The following SCRIB variants were observed in gnomAD, a reference collection of about 807,000 sequenced individuals.
SCRIB encodes the protein scribble planar cell polarity protein.
SCRIB carries 72 observed loss-of-function variants against 170.0 expected under a neutral mutation model. The observed-to-expected ratio is 0.42, with a 90% CI of 0.35 to 0.52. The LOEUF (loss-of-function observed/expected upper bound fraction) is 0.52. Among genes scored for constraint, SCRIB ranks in the 20% least tolerant of loss-of-function variants. The pLI, the probability that SCRIB is intolerant of heterozygous loss-of-function variation, is 0.02. For synonymous variants in SCRIB, 1,298 were observed against 1,044.3 expected (o/e 1.24, Z -4.68); for missense variants, 2,475 against 2,338.5 (o/e 1.06, Z -1.20).
chr8:143,809,443 G>A (rs1393185185), intron 14 of SCRIB, 108 bp downstream of exon 14: 3 of 1,259,990 alleles, frequency 2.4e-6, no homozygotes, highest in Admixed American at 1.9e-5. Context: ...AGCATCAGCA[G>A]GGCCCAGGCA....
rs782575607 is a variant in SCRIB, at chr8:143,792,967, C to T, written c.4017+9G>A. ...ACGCGCAGCAGGGAGGCGTGCTGCCCCCACACACCTGGGCAGGGGCATCCT... is the reference window on the plus strand; with the variant it reads ...ACGCGCAGCAGGGAGGCGTGCTGCCTCCACACACCTGGGCAGGGGCATCCT... On this transcript the variant is annotated intron_variant, in intron 29 of 36. Coordinates refer to ENST00000356994, the MANE Select transcript of SCRIB (RefSeq NM_182706.5). 46 of 1,503,126 alleles carry T rather than the reference C, an allele frequency of 3.1e-5. No homozygotes were observed. Among genetic ancestry groups the T allele is most frequent in the Non-Finnish European group, 3.8e-5 (43 of 1,126,906 alleles). 93.1% of individuals were successfully genotyped at this position (1,503,126 alleles called of 1,614,324 possible). A position where few individuals can be genotyped will look rare whatever the true frequency, so the allele number is the denominator to read the frequency against.
intron 16 of SCRIB, among the ~76,000 whole-genome samples, chr8:143,807,239 GC>G: frequency 6.6e-6 from 1 of 152,354 alleles, no homozygotes; most frequent in Non-Finnish European, 1.5e-5. Flanking sequence ...GCTGGGGCTT[GC>G]CCACCTCCAG....
intron 27 of SCRIB, among the ~76,000 whole-genome samples, 174 bp downstream of exon 27, chr8:143,794,864 T>C (rs1814871086): frequency 6.6e-6 from 1 of 151,946 alleles, no homozygotes; most frequent in Non-Finnish European, 1.5e-5. Context: ...GGGTTGAGAA[T>C]GAGGGTGATA....
intron 8 of SCRIB, 27 bp downstream of exon 8, chr8:143,812,790 C>G: frequency 6.3e-7 from 1 of 1,591,400 alleles, no homozygotes; most frequent in Non-Finnish European, 8.5e-7. Flanking sequence ...CCGTGTGCCC[C>G]ACCCAGGCAC....
At chr8:143,814,620 A>C (rs951327356) in intron 1 of SCRIB, among the ~76,000 whole-genome samples, 9 of 152,224 alleles carry the variant, frequency 5.9e-5, no homozygotes, top group African/African-American at 1.9e-4. Flanking sequence ...CGGCCAGAAC[A>C]GGGTCACATT....
In SCRIB at chr8:143,815,399, G is replaced by A. The variant is rs1422951342; in HGVS notation, c.-27C>T. ...GTGCGGGTGGGCGGCGCGGGCTCCG[G>A]CGGCGGCGCTCGGCGGGCTCGGGGC... On this transcript the variant is annotated 5_prime_UTR_variant, in exon 1 of 37. Transcript: ENST00000356994. The A allele has an allele frequency of 1.9e-5, 24 of 1,277,148 alleles. No homozygotes were observed. The highest frequency in any genetic ancestry group is 2.4e-5 in the Non-Finnish European group (24 of 1,006,814). 79.1% of individuals were successfully genotyped at this position (1,277,148 alleles called of 1,614,324 possible).
At chr8:143,804,496 G>A (rs559172544) in intron 21 of SCRIB, 72 bp downstream of exon 21, 3 of 1,432,348 alleles carry the variant, frequency 2.1e-6, no homozygotes, top group South Asian at 1.4e-5. Context: ...GGCCATAAGA[G>A]AGCAGGTCCT....
Position 143,804,553 on chromosome 8 carries a change from G to A in SCRIB, c.3009+15C>T. ...TGAAGCTGGGTGGGTGCCTGGGTGGGGGCTTGTGTCTCACCTCCACTGGGT... is the reference window on the plus strand; with the variant it reads ...TGAAGCTGGGTGGGTGCCTGGGTGGAGGCTTGTGTCTCACCTCCACTGGGT... On this transcript the variant is annotated intron_variant, in intron 21 of 36. Coordinates refer to ENST00000356994, the MANE Select transcript of SCRIB (RefSeq NM_182706.5). The A allele has an allele frequency of 1.3e-6, 2 of 1,491,152 alleles. No individual in the cohort carries two copies. Among genetic ancestry groups the A allele is most frequent in the Non-Finnish European group, 1.8e-6 (2 of 1,127,008 alleles). The allele number at this position is 1,491,152 out of a possible 1,614,324, so 92.4% of individuals were successfully genotyped here. A position where few individuals can be genotyped will look rare whatever the true frequency, so the allele number is the denominator to read the frequency against.
chr8:143,801,459 GA>G (rs1554634961), intron 24 of SCRIB, among the ~76,000 whole-genome samples: 1 of 152,064 alleles, frequency 6.6e-6, no homozygotes, highest in Non-Finnish European at 1.5e-5. Context: ...TCTTCCCAAG[GA>G]AAAAACCAGA....
At chr8:143,807,239 G>A (rs1815469117) in intron 16 of SCRIB, among the ~76,000 whole-genome samples, 1 of 152,236 alleles carries the variant, frequency 6.6e-6, no homozygotes, top group African/African-American at 2.4e-5. Flanking sequence ...GCTGGGGCTT[G>A]CCCACCTCCA....
At chr8:143,803,606 G>T (rs375213010) in intron 23 of SCRIB, 35 bp from the exon 24 acceptor site, 1,435 of 1,570,850 alleles carry the variant, frequency 9.1e-4, no homozygotes, top group Non-Finnish European at 1.1e-3. Flanking sequence ...AGACCTGTTG[G>T]GGGGTGGGGC....
intron 13 of SCRIB, 78 bp downstream of exon 13, chr8:143,810,401 G>T: frequency 1.3e-6 from 2 of 1,560,694 alleles, no homozygotes; most frequent in Admixed American, 3.4e-5. Context: ...GGCCCTCACA[G>T]CCCCACTCCC....
At chr8:143,810,878 C>T (rs372260920) in intron 11 of SCRIB, 28 bp downstream of exon 11, 15 of 1,609,288 alleles carry the variant, frequency 9.3e-6, no homozygotes, top group Non-Finnish European at 1.3e-5. Context: ...AGCCACCCCG[C>T]GCTAAGCACC....
chr8:143,805,547 G>A, intron 18 of SCRIB, 112 bp from the exon 19 acceptor site: 1 of 1,112,522 alleles, frequency 9.0e-7, no homozygotes, highest in South Asian at 1.8e-5. Context: ...CACAGGGCGA[G>A]GGGAAAGGCC....
intron 13 of SCRIB, 117 bp downstream of exon 13, chr8:143,810,362 C>A (rs1030925599): frequency 1.4e-6 from 2 of 1,427,532 alleles, no homozygotes; most frequent in Non-Finnish European, 1.9e-6. Context: ...TCACCAGCCT[C>A]ATCTCCTGCT....
intron 24 of SCRIB, among the ~76,000 whole-genome samples, chr8:143,802,620 C>G (rs1554635186): frequency 6.6e-6 from 1 of 152,248 alleles, no homozygotes; most frequent in Non-Finnish European, 1.5e-5. Flanking sequence ...CAGTGGGAAG[C>G]CAGCCTGCAC....
chr8:143,791,320 G>A lies in SCRIB; in HGVS notation c.4823-12C>T, dbSNP rs574303852. On this transcript the variant is annotated splice_polypyrimidine_tract_variant and intron_variant, in intron 36 of 36. Coordinates refer to ENST00000356994, the MANE Select transcript of SCRIB (RefSeq NM_182706.5). Reference sequence around the variant, plus strand: ...CTCCTCCTGCGGGCCTGGAGGGCAGGGACAGGTGGGCAGTGAGCTGAGGGC... The same window carrying A: ...CTCCTCCTGCGGGCCTGGAGGGCAGAGACAGGTGGGCAGTGAGCTGAGGGC... The A allele has an allele frequency of 3.8e-6, 6 of 1,582,034 alleles. No homozygotes were observed. The highest frequency in any genetic ancestry group is 2.3e-5 in the South Asian group (2 of 87,458).
chr8:143,810,868 A>G (rs760526893), intron 11 of SCRIB, 38 bp downstream of exon 11: 2 of 1,608,230 alleles, frequency 1.2e-6, no homozygotes, highest in Non-Finnish European at 8.5e-7. Context: ...CCTGCCTGAG[A>G]GCCACCCCGC....
At position 143,804,882 on chromosome 8, in the gene SCRIB, G is replaced by A. The variant is rs574642122; in HGVS notation, c.2751+52C>T. ...AAGGGCAGAAGGGGACAGAGGGCGC[G>A]GGGCGGGGCAGGGGGGATGGGTGGG... On this transcript the variant is annotated intron_variant, in intron 20 of 36. Transcript: ENST00000356994. 1.6e-5 allele frequency: 25 copies of A among 1,529,408 alleles called. No individual in the cohort carries two copies. In the East Asian group the frequency reaches 2.7e-4, roughly 16 times the overall value. 94.7% of individuals were successfully genotyped at this position (1,529,408 alleles called of 1,614,324 possible). A position where few individuals can be genotyped will look rare whatever the true frequency, so the allele number is the denominator to read the frequency against.
Sources: allele counts gnomAD v4.1 joint callset (sites outside exome capture counted in the v4.1 genomes callset), GRCh38; gene constraint gnomAD v4.1.1; transcripts MANE v1.5; gene names NCBI Gene and HGNC (gene_info 2026-07-23, HGNC 2026-07-21).